Variants in CHD9 observed in about 807,000 individuals in gnomAD.
CHD9 encodes ATP-dependent chromatin remodeler CHD9.
Under a neutral mutation model 316.1 loss-of-function variants are expected in CHD9, and 77 were observed. The observed-to-expected ratio is 0.24, with a 90% CI of 0.20 to 0.29. CHD9 has a LOEUF of 0.29. Ranked by LOEUF, CHD9 falls within the 10% of genes least tolerant of loss-of-function variation. The pLI, the probability that CHD9 is intolerant of heterozygous loss-of-function variation, is 1.00. For synonymous variants in CHD9, 1,129 were observed against 1,158.3 expected (o/e 0.97, Z 0.51); for missense variants, 2,763 against 3,438.1 (o/e 0.80, Z 4.91).
At chr16:53,254,256 C>T (rs1158014868) in intron 17 of CHD9, among the ~76,000 whole-genome samples, 182 bp from the exon 18 acceptor site, 2 of 152,108 alleles carry the variant, frequency 1.3e-5, no homozygotes. Flanking sequence ...TTTTAACTTA[C>T]TACTGATTGT....
Position 53,282,449 on chromosome 16 carries a change from T to C in CHD9, c.4968-3147T>C, listed in dbSNP as rs145518012. Among the ~76,000 whole-genome samples the C allele has an allele frequency of 7.0e-3, 1,059 of 152,028 alleles. 13 individuals are homozygous for C. The highest frequency in any genetic ancestry group is 0.024 in the African/African-American group (1,003 of 41,474). ...GGCGAAACCCTGTCTCTACAAAAAG[T>C]AGAAAAATTGGCTAGGTGCGGTAGT... On this transcript the variant is annotated intron_variant, in intron 24 of 38. Transcript: ENST00000447540.
At chr16:53,233,687 C>T (rs540024512) in intron 10 of CHD9, among the ~76,000 whole-genome samples, 1 of 152,196 alleles carries the variant, frequency 6.6e-6, no homozygotes, top group East Asian at 1.9e-4. Context: ...TGGTGACCAG[C>T]CCCACCTGAA....
Position 53,068,984 on chromosome 16 carries a change from A to G in CHD9, c.-165+13907A>G, listed in dbSNP as rs540749590. ...TTTACCATTTTAACCATCTTAATGC[A>G]TTTTCTTCTTTTATTTTATTTTATT... On this transcript the variant is annotated intron_variant, in intron 1 of 38. Coordinates refer to ENST00000447540, the MANE Select transcript of CHD9 (RefSeq NM_001308319.2). 4.6e-5 allele frequency among the ~76,000 whole-genome samples: 7 copies of G among 151,312 alleles called. No individual in the cohort carries two copies. The South Asian group carries it at 1.0e-3, about 22-fold the overall frequency.
At chr16:53,085,731 C>T (rs12708900) in intron 1 of CHD9, among the ~76,000 whole-genome samples, 34,129 of 152,086 alleles carry the variant, frequency 0.22, 4,108 homozygotes, top group South Asian at 0.34. Flanking sequence ...AAGTTTCAGT[C>T]AGATAAAAGG....
intron 1 of CHD9, among the ~76,000 whole-genome samples, chr16:53,119,486 C>T (rs762014915): frequency 2.6e-5 from 4 of 152,108 alleles, no homozygotes; most frequent in Non-Finnish European, 5.9e-5. Context: ...AAAGCTAGCT[C>T]ATGGGATTGC....
At chr16:53,149,691 G>A (rs1471658013) in intron 1 of CHD9, among the ~76,000 whole-genome samples, 1 of 146,022 alleles carries the variant, frequency 6.8e-6, no homozygotes, top group African/African-American at 2.5e-5. Context: ...TAGGACTATA[G>A]GTGTGCACCA....
chr16:53,238,320 G>A (rs750069662), intron 11 of CHD9, 23 bp from the exon 12 acceptor site: 1 of 1,595,494 alleles, frequency 6.3e-7, no homozygotes, highest in Non-Finnish European at 8.6e-7. Context: ...TGTATGCATG[G>A]ATAATGTATT....
rs2048825461 is a variant in CHD9 at position 53,238,602 on chromosome 16, TTTTG to T, written c.2877+23_2877+26del. ...GGATTCACAGGTGTGTTATTGATTA[TTTTG>T]TTTGTTGTTTGAAAGGTCAGGGCTG... On this transcript the variant is annotated intron_variant, in intron 12 of 38. Coordinates refer to ENST00000447540, the MANE Select transcript of CHD9 (RefSeq NM_001308319.2). The T allele has an allele frequency of 3.7e-6, 6 of 1,609,156 alleles. No individual in the cohort carries two copies. Among genetic ancestry groups the T allele is most frequent in the Admixed American group, 1.7e-5 (1 of 59,754 alleles).
intron 17 of CHD9, among the ~76,000 whole-genome samples, chr16:53,251,927 C>T (rs1264358460): frequency 6.6e-6 from 1 of 151,976 alleles, no homozygotes; most frequent in Non-Finnish European, 1.5e-5. Flanking sequence ...GAAATACATC[C>T]CATGTTCATG....
chr16:53,215,531 GTA>G (rs1042552993), intron 3 of CHD9, among the ~76,000 whole-genome samples: 4 of 152,196 alleles, frequency 2.6e-5, no homozygotes, highest in African/African-American at 9.6e-5. Flanking sequence ...CTGAGCGTGT[GTA>G]TGTGTGTGTG....
At chr16:53,124,012 T>C (rs184557172) in intron 1 of CHD9, among the ~76,000 whole-genome samples, 11 of 152,308 alleles carry the variant, frequency 7.2e-5, no homozygotes, top group African/African-American at 2.4e-4. Flanking sequence ...TGATAGACAT[T>C]TGGGTTGTTT....
chr16:53,302,606 C>T (rs1342381166), intron 30 of CHD9, among the ~76,000 whole-genome samples: 1 of 152,158 alleles, frequency 6.6e-6, no homozygotes, highest in Non-Finnish European at 1.5e-5. Context: ...TTTTTAGTAT[C>T]TGCCAGATAC....
chr16:53,164,990 T>C (rs1294222965), intron 2 of CHD9, among the ~76,000 whole-genome samples: 1 of 152,140 alleles, frequency 6.6e-6, no homozygotes, highest in South Asian at 2.1e-4. Flanking sequence ...ATGTGTAAGA[T>C]GATAGCAACA....
Position 53,304,536 on chromosome 16 carries a change from C to T in CHD9, c.6530C>T (p.Ser2177Leu), listed in dbSNP as rs1235145847. The T allele has an allele frequency of 1.3e-6, 2 of 1,546,248 alleles. No homozygotes were observed. The highest frequency in any genetic ancestry group is 1.8e-6 in the Non-Finnish European group (2 of 1,141,790). The change falls in exon 31 of 39, where the codon TCA becomes TTA. Residue 2177 changes from serine (S) to leucine (L), a missense_variant. This residue lies in a region of CHD9 where 663 missense variants were observed against 751.2 expected (regional missense o/e 0.88). Transcript: ENST00000447540. ...TCATCTTGTTCTTCAGCATCTTCTT[C>T]ATCCTCTTCCTCCACCTCTTCCTCC... is the stretch of plus-strand genomic sequence containing the variant. ...SSSSCSSASS[S>L]SSSSTSSSSS...
At chr16:53,170,244 T>C (rs59835626) in intron 2 of CHD9, among the ~76,000 whole-genome samples, 5,085 of 152,164 alleles carry the variant, frequency 0.033, 300 homozygotes, top group African/African-American at 0.12. Flanking sequence ...TTTTAAAAAA[T>C]CAGTTGTAAA....
At chr16:53,064,298 T>C (rs1024599251) in intron 1 of CHD9, among the ~76,000 whole-genome samples, 1 of 152,240 alleles carries the variant, frequency 6.6e-6, no homozygotes, top group Non-Finnish European at 1.5e-5. Flanking sequence ...TTGCATGTTC[T>C]TGGCCTCTTC....
rs561035607 is a variant in CHD9, at chr16:53,289,371, A to G, written c.5247+1357A>G. On this transcript the variant is annotated intron_variant, in intron 27 of 38. Coordinates refer to ENST00000447540, the MANE Select transcript of CHD9 (RefSeq NM_001308319.2). The stretch of plus-strand genomic sequence containing the variant: ...GGAGTTCAAGACCAACCTGAGCAAT[A>G]TAATGGGACCCCATCTCTAAAAAAA... Among the ~76,000 whole-genome samples the G allele has an allele frequency of 1.4e-4, 22 of 152,258 alleles. No individual in the cohort carries two copies. The South Asian group carries it at 4.1e-3, about 29-fold the overall frequency.
intron 17 of CHD9, among the ~76,000 whole-genome samples, chr16:53,252,401 T>C (rs185495863): frequency 1.3e-5 from 2 of 152,192 alleles, no homozygotes; most frequent in Admixed American, 1.3e-4. Context: ...AAAAATCAAC[T>C]CAAGATGCAT....
In CHD9 at chr16:53,293,863, G is replaced by A. The variant is rs146585506; in HGVS notation, c.5510+811G>A. Among the ~76,000 whole-genome samples the A allele has an allele frequency of 4.3e-3, 656 of 151,918 alleles. 3 individuals carry two copies. The highest frequency in any genetic ancestry group is 0.014 in the African/African-American group (582 of 41,438). On this transcript the variant is annotated intron_variant, in intron 29 of 38. Coordinates refer to ENST00000447540, the MANE Select transcript of CHD9 (RefSeq NM_001308319.2). ...CTTGGGAGGCTGAGGCATGAGAATC[G>A]CTTGATCCCAGGAGGCAGAGGTTGC...
Sources: gnomAD v4.1 joint callset for allele counts (sites outside exome capture counted in the v4.1 genomes callset) on GRCh38, gnomAD v4.1.1 for gene constraint, gnomAD v4.1.1 regional missense constraint, MANE v1.5 for transcripts, NCBI Gene and HGNC (gene_info 2026-07-23, HGNC 2026-07-21) for gene names.